Variants in USP33 observed in about 807,000 individuals in gnomAD.
The protein encoded by USP33 is ubiquitin specific peptidase 33.
In USP33, 46 loss-of-function variants were observed where a neutral mutation model predicts 124.2. The observed-to-expected ratio is 0.37, with a 90% CI of 0.29 to 0.47. The LOEUF is 0.47. USP33 is among the 20% of genes least tolerant of loss of function. USP33 has a pLI of 0.99. For synonymous variants in USP33, 350 were observed against 352.3 expected, an observed-to-expected ratio of 0.99 and a Z score of 0.07; for missense variants, 851 against 1,070.6, an observed-to-expected ratio of 0.79 and a Z score of 2.86.
chr1:77,756,875 C>G (rs893545244), intron 1 of USP33, among the ~76,000 whole-genome samples: 3 of 152,204 alleles, frequency 2.0e-5, no homozygotes, highest in African/African-American at 4.8e-5. Flanking sequence ...CATAAAGCCA[C>G]CCCAGCAGTC....
In USP33 at chr1:77,725,731, C is replaced by A. The variant is rs1331172539; in HGVS notation, c.1167G>T (p.Leu389=). ...EYITDVHSND[L]STPQILPSNE... ...TTGATGGAAGGATCTGTGGTGTAGA[C>A]AGGTCATTCGAATGGACATCAGTGA... The change falls in exon 11 of 24, where the codon CTG becomes CTT. Residue 389 remains leucine, a synonymous_variant. Transcript: ENST00000370794. 6.2e-7 allele frequency: 1 copy of A among 1,613,678 alleles called. No homozygotes were observed. Among genetic ancestry groups the A allele is most frequent in the African/African-American group, 1.3e-5 (1 of 74,966 alleles).
chr1:77,718,806 G>A (rs1191408352), intron 15 of USP33, 165 bp from the exon 16 acceptor site: 9 of 553,600 alleles, frequency 1.6e-5, no homozygotes, highest in Non-Finnish European at 2.6e-5. Context: ...GCACATGCCT[G>A]TAGTCCCAGA....
At chr1:77,754,732 G>C (rs537867954) in intron 1 of USP33, among the ~76,000 whole-genome samples, 2 of 152,254 alleles carry the variant, frequency 1.3e-5, no homozygotes, top group African/African-American at 4.8e-5. Flanking sequence ...ATCCTTAAGA[G>C]TCTAATTAAT....
intron 22 of USP33, among the ~76,000 whole-genome samples, chr1:77,700,598 G>A (rs1411135395): frequency 1.3e-5 from 2 of 151,648 alleles, no homozygotes; most frequent in East Asian, 3.9e-4. Context: ...ACAGGGTTAA[G>A]ACCTTGTCTC....
intron 7 of USP33, among the ~76,000 whole-genome samples, chr1:77,730,966 G>A (rs541503820): frequency 6.6e-6 from 1 of 152,280 alleles, no homozygotes; most frequent in South Asian, 2.1e-4. Context: ...TCCCCACTCA[G>A]TAACATTTGC....
chr1:77,718,458 T>C lies in USP33; in HGVS notation c.1737+138A>G, dbSNP rs182401491. 2.3e-4 allele frequency: 174 copies of C among 740,766 alleles called. No homozygotes were observed. In the Middle Eastern group the frequency reaches 2.6e-3, roughly 11 times the overall value. 45.9% of individuals were successfully genotyped at this position (740,766 alleles called of 1,614,324 possible). ...GGTATTTAACTCAATATTTTAAAAC[T>C]GAATAATCTTAAAAAGGCATGCATA... On this transcript the variant is annotated intron_variant, in intron 16 of 23. Transcript: ENST00000370794.
chr1:77,716,358 C>T (rs977391501), intron 17 of USP33, among the ~76,000 whole-genome samples: 2 of 152,172 alleles, frequency 1.3e-5, no homozygotes, highest in Admixed American at 6.5e-5. Flanking sequence ...TTAACACCTG[C>T]GGGGGTCTGT....
At chr1:77,720,503 T>G in intron 15 of USP33, 1 of 985,424 alleles carries the variant, frequency 1.0e-6, no homozygotes, top group Non-Finnish European at 1.2e-6. Context: ...TCATGATCAG[T>G]TGCAGATCAA....
intron 5 of USP33, among the ~76,000 whole-genome samples, chr1:77,736,462 C>T (rs1307058003): frequency 4.6e-5 from 7 of 152,108 alleles, no homozygotes; most frequent in African/African-American, 1.7e-4. Context: ...GACAGTAAAC[C>T]ATAGCTAAAA....
intron 7 of USP33, among the ~76,000 whole-genome samples, chr1:77,732,484 G>GT (rs1255083693): frequency 1.3e-5 from 2 of 152,076 alleles, no homozygotes; most frequent in Non-Finnish European, 2.9e-5. Context: ...AGCAACCACA[G>GT]TAATATTTTA....
At position 77,748,994 on chromosome 1, in the gene USP33, T is replaced by C. The variant is rs139110339; in HGVS notation, c.-51-7246A>G. Among the ~76,000 whole-genome samples the C allele has an allele frequency of 1.4e-3, 207 of 152,322 alleles. 1 individual carries two copies. Among genetic ancestry groups the C allele is most frequent in the African/African-American group, 4.2e-3 (176 of 41,574 alleles). On this transcript the variant is annotated intron_variant, in intron 1 of 23. Transcript: ENST00000370794. ...CAAGAACCAATCTTCCATCATTTTT[T>C]CAAACCTTTCATGGGGATTGGGCAA...
Position 77,734,405 on chromosome 1 carries a change from A to C in USP33, c.466T>G (p.Leu156Val). Residue 156 changes from leucine to valine, a missense_variant, in exon 7 of 24, where the codon TTG becomes GTG. By Grantham distance (32) the Leu-to-Val change is conservative (BLOSUM62 1). Around this residue, in one of 4 missense-constraint regions of USP33, gnomAD observed 221 missense variants for 302.9 expected, o/e 0.73. Transcript: ENST00000370794. ...TAACAAGTATTTCCAATATTTTTCA[A>C]ACCTGTAAGACCTATTAAGAAAAAA... The part of the protein sequence containing the change: ...DELRARGLTG[L>V]KNIGNTCYMN... 6.3e-7 allele frequency: 1 copy of C among 1,597,146 alleles called. No individual in the cohort carries two copies. The highest frequency in any genetic ancestry group is 1.1e-5 in the South Asian group (1 of 87,384).
At position 77,741,748 on chromosome 1, in the gene USP33, C is replaced by T. The variant is rs1247971007; in HGVS notation, c.-51G>A. The stretch of plus-strand genomic sequence containing the variant: ...CCAAGACTTTCAAAATGAGGTAACA[C>T]CTATAAGAAAAGTAACACACACAAA... On this transcript the variant is annotated splice_region_variant and 5_prime_UTR_variant, in exon 2 of 24. It adds an upstream start codon to the 5' untranslated region. Coordinates refer to ENST00000370794, the MANE Select transcript of USP33 (RefSeq NM_201624.3). 3.8e-6 allele frequency: 6 copies of T among 1,569,372 alleles called. No homozygotes were observed. The Admixed American group carries it at 6.0e-5, about 16-fold the overall frequency.
intron 1 of USP33, among the ~76,000 whole-genome samples, chr1:77,745,897 T>C (rs1330990587): frequency 6.6e-6 from 1 of 152,062 alleles, no homozygotes; most frequent in Non-Finnish European, 1.5e-5. Context: ...TAGAGGGAAA[T>C]TTATAGCACT....
At chr1:77,748,495 C>T (rs1679954703) in intron 1 of USP33, among the ~76,000 whole-genome samples, 1 of 151,712 alleles carries the variant, frequency 6.6e-6, no homozygotes, top group South Asian at 2.1e-4. Context: ...ATGGTGAAAC[C>T]CCATCTCTAC....
intron 1 of USP33, among the ~76,000 whole-genome samples, chr1:77,742,881 CT>C (rs1166161782): frequency 1.3e-5 from 2 of 151,982 alleles, no homozygotes; most frequent in Non-Finnish European, 2.9e-5. Flanking sequence ...CTTTGTTACC[CT>C]GTAGCTTATA....
intron 1 of USP33, among the ~76,000 whole-genome samples, chr1:77,742,733 T>G (rs1358206725): frequency 1.3e-5 from 2 of 152,298 alleles, no homozygotes; most frequent in African/African-American, 4.8e-5. Context: ...AAAAAAAGTT[T>G]AGAACTTGCT....
chr1:77,702,141 C>CAAAAAAAAAAAA lies in USP33; in HGVS notation c.2407-682_2407-671dup, dbSNP rs58750531. On this transcript the variant is annotated intron_variant, in intron 21 of 23. Transcript: ENST00000370794. ...TGGGTGACAGAACAAGACCCTGTCT[C>CAAAAAAAAAAAA]AAAAAAAAAAAAAAAAAAAAAAAAA... Among the ~76,000 whole-genome samples the CAAAAAAAAAAAA allele has an allele frequency of 2.3e-3, 36 of 15,784 alleles. 1 individual carries two copies. Among genetic ancestry groups the CAAAAAAAAAAAA allele is most frequent in the African/African-American group, 4.6e-3 (36 of 7,804 alleles). 10.4% of individuals were successfully genotyped at this position (15,784 alleles called of 152,430 possible). A position where few individuals can be genotyped will look rare whatever the true frequency, so the allele number is the denominator to read the frequency against.
chr1:77,697,646 T>C, intron 23 of USP33, 172 bp from the exon 24 acceptor site: 1 of 939,330 alleles, frequency 1.1e-6, no homozygotes, highest in Non-Finnish European at 1.5e-6. Flanking sequence ...TGGCTTGTCT[T>C]AAAAAGTCAG....
Sources: allele counts gnomAD v4.1 joint callset (sites outside exome capture counted in the v4.1 genomes callset), GRCh38; gene constraint gnomAD v4.1.1; regional missense constraint gnomAD v4.1.1; transcripts MANE v1.5; gene names NCBI Gene and HGNC (gene_info 2026-07-23, HGNC 2026-07-21).